Variants in PAMR1 observed in about 807,000 individuals in gnomAD.
The protein encoded by PAMR1 is inactive serine protease PAMR1.
A neutral mutation model predicts 81.8 loss-of-function variants in PAMR1; 88 were observed. The observed-to-expected ratio is 1.08, with a 90% CI of 0.91 to 1.28. The LOEUF is 1.28. PAMR1 is among the 50% of genes most tolerant of loss of function. The pLI, the probability that PAMR1 is intolerant of heterozygous loss-of-function variation, is 0.00. For synonymous variants in PAMR1, 336 were observed against 345.3 expected, an observed-to-expected ratio of 0.97 and a Z score of 0.30; for missense variants, 935 against 919.7, an observed-to-expected ratio of 1.02 and a Z score of -0.21.
intron 6 of PAMR1, among the ~76,000 whole-genome samples, chr11:35,463,350 C>T (rs143005056): frequency 3.0e-4 from 45 of 152,250 alleles, no homozygotes; most frequent in Admixed American, 1.0e-3. Context: ...TGTCAGAGCC[C>T]GCAGTGTGAG....
intron 9 of PAMR1, among the ~76,000 whole-genome samples, chr11:35,435,409 T>C (rs1456681193): frequency 6.6e-6 from 1 of 152,184 alleles, no homozygotes; most frequent in Non-Finnish European, 1.5e-5. Context: ...GGTTTCACCA[T>C]GTTGGCCAGG....
chr11:35,514,659 G>T (rs1851130761), intron 1 of PAMR1, among the ~76,000 whole-genome samples: 1 of 152,136 alleles, frequency 6.6e-6, no homozygotes, highest in Non-Finnish European at 1.5e-5. Context: ...TATTAGCATT[G>T]GTTACTGAAT....
At chr11:35,516,633 A>G (rs532105206) in intron 1 of PAMR1, among the ~76,000 whole-genome samples, 2 of 152,352 alleles carry the variant, frequency 1.3e-5, no homozygotes, top group South Asian at 4.1e-4. Context: ...AGTAGGTCCC[A>G]CAAACAACAA....
At chr11:35,521,729 C>G (rs184772130) in intron 1 of PAMR1, among the ~76,000 whole-genome samples, 1 of 152,304 alleles carries the variant, frequency 6.6e-6, no homozygotes, top group East Asian at 1.9e-4. Context: ...TGTCCATCAG[C>G]ATAATCAGTC....
At chr11:35,515,033 CA>C (rs1423782547) in intron 1 of PAMR1, among the ~76,000 whole-genome samples, 1 of 152,122 alleles carries the variant, frequency 6.6e-6, no homozygotes, top group Non-Finnish European at 1.5e-5. Context: ...CTTGGCTATA[CA>C]ATTCAACAAA....
In PAMR1 at chr11:35,470,600, C is replaced by T; in HGVS notation, c.712+1G>A. 6.2e-7 allele frequency: 1 copy of T among 1,612,650 alleles called. No individual in the cohort carries two copies. The highest frequency in any genetic ancestry group is 8.5e-7 in the Non-Finnish European group (1 of 1,178,680). ...GCCACATTTGTCTCCTTGGCCTTTACCTGTGATCTCCTCATAAATGGCATG... is the reference window on the plus strand; with the variant it reads ...GCCACATTTGTCTCCTTGGCCTTTATCTGTGATCTCCTCATAAATGGCATG... On this transcript the variant is annotated splice_donor_variant, in intron 5 of 10. Coordinates refer to ENST00000619888, the MANE Select transcript of PAMR1 (RefSeq NM_001001991.3). LOFTEE classifies it high-confidence loss of function.
chr11:35,518,971 A>G (rs948569107), intron 1 of PAMR1, among the ~76,000 whole-genome samples: 2 of 152,160 alleles, frequency 1.3e-5, no homozygotes, highest in African/African-American at 2.4e-5. Flanking sequence ...AACTGACCAG[A>G]CTTCTACTTA....
intron 2 of PAMR1, among the ~76,000 whole-genome samples, chr11:35,492,602 A>G (rs1168249571): frequency 6.6e-6 from 1 of 152,200 alleles, no homozygotes; most frequent in Non-Finnish European, 1.5e-5. Context: ...CTATATACAC[A>G]TACATGTTTT....
intron 3 of PAMR1, among the ~76,000 whole-genome samples, chr11:35,477,882 C>T (rs114010348): frequency 0.014 from 2,071 of 152,218 alleles, 56 homozygotes; most frequent in African/African-American, 0.047. Context: ...TTGAAATGCA[C>T]GTTCCTTCTC....
rs201179105 is a variant in PAMR1, at chr11:35,492,123, C to A, written c.301G>T (p.Gly101Cys). 91 of 1,613,944 alleles carry A rather than the reference C, an allele frequency of 5.6e-5. 1 individual carries two copies. The East Asian group carries it at 1.4e-3, about 26-fold the overall frequency. ...TTCACATAGAAGTCATCCAAGGTAC[C>A]CCCCCATGAGCCATTTCGGCAGCTC... Reference protein sequence around the residue: ...CKSCRNGSWGGTLDDFYVKGF... With the variant: ...CKSCRNGSWGCTLDDFYVKGF... Residue 101 changes from glycine to cysteine, a missense_variant, in exon 3 of 11, where the codon GGT (glycine) becomes TGT (cysteine). By Grantham distance (159) the Gly-to-Cys change is radical. Transcript: ENST00000619888.
chr11:35,529,375 A>G (rs1851433347), upstream of PAMR1, among the ~76,000 whole-genome samples: 1 of 152,218 alleles, frequency 6.6e-6, no homozygotes, highest in South Asian at 2.1e-4. Flanking sequence ...TTTTGTGAAT[A>G]TATACAATCA....
In PAMR1 at chr11:35,434,500, G is replaced by A. The variant is rs1855986358; in HGVS notation, c.1626+12C>T. 1 of 1,605,886 alleles carries A rather than the reference G, an allele frequency of 6.2e-7. No individual in the cohort carries two copies. Among genetic ancestry groups the A allele is most frequent in the Admixed American group, 1.7e-5 (1 of 59,848 alleles). ...CCAGAGCCCCAGCTTCCAAGTGCAAGCCCTCTCTTACCTGTAGGCTCTGGA... is the reference window on the plus strand; with the variant it reads ...CCAGAGCCCCAGCTTCCAAGTGCAAACCCTCTCTTACCTGTAGGCTCTGGA... On this transcript the variant is annotated intron_variant, in intron 10 of 10. Coordinates refer to ENST00000619888, the MANE Select transcript of PAMR1 (RefSeq NM_001001991.3).
chr11:35,436,522 C>A (rs1488270511), intron 8 of PAMR1, among the ~76,000 whole-genome samples: 4 of 152,142 alleles, frequency 2.6e-5, no homozygotes, highest in African/African-American at 7.2e-5. Context: ...TGGGCTCAAG[C>A]AATCCACTCA....
At chr11:35,475,629 T>C (rs1850271855) in intron 3 of PAMR1, among the ~76,000 whole-genome samples, 1 of 152,198 alleles carries the variant, frequency 6.6e-6, no homozygotes. Flanking sequence ...AGTGGCTCTA[T>C]GGAAAAATTA....
chr11:35,434,825 TAGTA>T (rs768015917), intron 9 of PAMR1, 21 bp from the exon 10 acceptor site: 1 of 1,605,120 alleles, frequency 6.2e-7, no homozygotes, highest in East Asian at 2.2e-5. Flanking sequence ...AGTACCAGCT[TAGTA>T]AGATAAACTC....
chr11:35,522,170 C>T (rs765155558), intron 1 of PAMR1, among the ~76,000 whole-genome samples: 11 of 152,186 alleles, frequency 7.2e-5, no homozygotes, highest in Non-Finnish European at 1.2e-4. Context: ...GATCTGCCCG[C>T]CCTGGCCTCC....
chr11:35,523,730 C>T (rs940421296), intron 1 of PAMR1, among the ~76,000 whole-genome samples: 13 of 152,250 alleles, frequency 8.5e-5, no homozygotes, highest in African/African-American at 3.1e-4. Context: ...CGCTATTCCT[C>T]CGTCTTCCCT....
intron 6 of PAMR1, among the ~76,000 whole-genome samples, chr11:35,467,441 C>T (rs1047503798): frequency 3.9e-5 from 6 of 152,192 alleles, no homozygotes; most frequent in Non-Finnish European, 7.3e-5. Context: ...CACCTGTTTT[C>T]GGTCTGGTAA....
At chr11:35,438,758 T>C (rs769580005) in intron 8 of PAMR1, among the ~76,000 whole-genome samples, 21 of 152,070 alleles carry the variant, frequency 1.4e-4, no homozygotes, top group Non-Finnish European at 2.2e-4. Flanking sequence ...TGGAGAGAGA[T>C]GCTAAGATAA....
Sources: allele counts gnomAD v4.1 joint callset (sites outside exome capture counted in the v4.1 genomes callset), GRCh38; gene constraint gnomAD v4.1.1; transcripts MANE v1.5; gene names NCBI Gene and HGNC (gene_info 2026-07-23, HGNC 2026-07-21).